The following INO80 variants were observed in gnomAD, a reference collection of about 807,000 sequenced individuals.
The protein encoded by INO80 is INO80 complex ATPase subunit.
INO80 carries 20 observed loss-of-function variants against 203.4 expected under a neutral mutation model. The ratio of observed to expected loss-of-function variants is 0.10; its 90% confidence interval spans 0.07 to 0.14. The LOEUF (loss-of-function observed/expected upper bound fraction) is 0.14, where lower values mean the gene tolerates loss of function less well. INO80 is among the 10% of genes least tolerant of loss of function. The pLI, the probability that INO80 is intolerant of heterozygous loss-of-function variation, is 1.00. For missense variants in INO80, 1,419 were observed against 1,914.4 expected, an observed-to-expected ratio of 0.74 and a Z score of 4.83; for synonymous variants, 726 against 685.2, an observed-to-expected ratio of 1.06 and a Z score of -0.93.
intron 25 of INO80, chr15:41,023,172 C>A: frequency 5.2e-6 from 2 of 382,796 alleles, no homozygotes; most frequent in South Asian, 1.9e-5. Context: ...ATTTTTCCCA[C>A]TAATACATGA....
intron 35 of INO80, among the ~76,000 whole-genome samples, chr15:40,981,054 C>T (rs573144792): frequency 6.6e-6 from 1 of 152,348 alleles, no homozygotes; most frequent in South Asian, 2.1e-4. Context: ...CTTTTTCCTA[C>T]ATAAGCCAAA....
intron 16 of INO80, among the ~76,000 whole-genome samples, chr15:41,057,992 G>C (rs2045025500): frequency 6.6e-6 from 1 of 151,944 alleles, no homozygotes; most frequent in East Asian, 1.9e-4. Flanking sequence ...GGACCTCAAA[G>C]GTATTGGAAT....
chr15:41,093,242 T>A (rs1303507050), intron 4 of INO80, among the ~76,000 whole-genome samples: 1 of 151,634 alleles, frequency 6.6e-6, no homozygotes, highest in Non-Finnish European at 1.5e-5. Flanking sequence ...CTGGCTAACA[T>A]GGTGAAACCC....
rs765933384 is a variant in INO80, at chr15:41,079,888, A to G, written c.944T>C (p.Met315Thr). The change falls in exon 9 of 36, where the codon ATG becomes ACG. Residue 315 changes from methionine (M) to threonine (T), a missense_variant. This residue lies in a region of INO80 where 87 missense variants were observed against 150.5 expected (regional missense o/e 0.58). Coordinates refer to ENST00000648947, the MANE Select transcript of INO80 (RefSeq NM_017553.3). ...TNSRKLAHQC[M>T]KEVRRAALQA... ...CAAGGCAGCTCGACGCACCTCCTTC[A>G]TGCACTGGTGAGCAAGCTGAAAACA... The G allele has an allele frequency of 1.2e-6, 2 of 1,614,012 alleles. No individual in the cohort carries two copies.
At chr15:41,078,463 A>G (rs1401969779) in intron 9 of INO80, among the ~76,000 whole-genome samples, 2 of 143,626 alleles carry the variant, frequency 1.4e-5, no homozygotes, top group African/African-American at 5.5e-5. Flanking sequence ...AAGAATTCCC[A>G]AAAGCATCAA....
At chr15:41,108,465 G>A (rs1167601478) in intron 1 of INO80, among the ~76,000 whole-genome samples, 1 of 151,750 alleles carries the variant, frequency 6.6e-6, no homozygotes, top group Non-Finnish European at 1.5e-5. Flanking sequence ...GGTGGTGGGC[G>A]CTTGTAGTCC....
intron 19 of INO80, 104 bp from the exon 20 acceptor site, chr15:41,050,206 T>A (rs1044659025): frequency 2.7e-6 from 2 of 728,724 alleles, no homozygotes; most frequent in African/African-American, 3.5e-5. Flanking sequence ...TGATTGAGAA[T>A]AAACATATGT....
chr15:41,083,577 G>A (rs549633406), intron 7 of INO80, among the ~76,000 whole-genome samples: 5 of 151,762 alleles, frequency 3.3e-5, no homozygotes, highest in East Asian at 3.9e-4. Context: ...GTGACGGCGC[G>A]CACCTGTAGT....
In INO80 at chr15:41,096,160, T is replaced by C. The variant is rs1481911971; in HGVS notation, c.143+8A>G. The C allele has an allele frequency of 6.3e-7, 1 of 1,597,466 alleles. No individual in the cohort carries two copies. The highest frequency in any genetic ancestry group is 2.2e-5 in the East Asian group (1 of 44,774). ...GGTAAAACATATTGCAAAGATACAATAACATACCTAGAAATATTCCTATTG... is the reference window on the plus strand; with the variant it reads ...GGTAAAACATATTGCAAAGATACAACAACATACCTAGAAATATTCCTATTG... On this transcript the variant is annotated splice_region_variant and intron_variant, in intron 2 of 35. Transcript: ENST00000648947.
intron 24 of INO80, among the ~76,000 whole-genome samples, chr15:41,034,453 G>C (rs994595522): frequency 3.3e-5 from 5 of 152,166 alleles, no homozygotes; most frequent in Admixed American, 6.6e-5. Context: ...AGTGAACACT[G>C]ATCTGTCTCC....
chr15:41,067,379 C>G (rs2045239684), intron 14 of INO80, among the ~76,000 whole-genome samples: 1 of 151,906 alleles, frequency 6.6e-6, no homozygotes, highest in Non-Finnish European at 1.5e-5. Context: ...CGGCCAAGAT[C>G]TTTTATTTTT....
At chr15:41,079,620 G>T in intron 9 of INO80, 81 bp downstream of exon 9, 22 of 1,126,056 alleles carry the variant, frequency 2.0e-5, no homozygotes, top group Non-Finnish European at 2.9e-5. Context: ...TTGGTTAGAT[G>T]TACAATTTTC....
At chr15:40,997,314 GA>G (rs1386212609) in intron 29 of INO80, among the ~76,000 whole-genome samples, 1 of 152,012 alleles carries the variant, frequency 6.6e-6, no homozygotes, top group Non-Finnish European at 1.5e-5. Flanking sequence ...CAAAGAAAAT[GA>G]ATAGTAAAGT....
chr15:41,064,358 C>T (rs947476808), intron 14 of INO80, among the ~76,000 whole-genome samples: 22 of 152,206 alleles, frequency 1.4e-4, no homozygotes, highest in African/African-American at 3.6e-4. Context: ...CAATCCTCCA[C>T]TGTTTGAAAA....
At chr15:41,059,070 G>C (rs1334574994) in intron 15 of INO80, among the ~76,000 whole-genome samples, 1 of 151,990 alleles carries the variant, frequency 6.6e-6, no homozygotes, top group Non-Finnish European at 1.5e-5. Flanking sequence ...TCCTGCCTTA[G>C]TCTCCCAAAC....
At position 40,980,672 on chromosome 15, in the gene INO80, T is replaced by C. The variant is rs1182003526; in HGVS notation, c.4454-232A>G. On this transcript the variant is annotated intron_variant, in intron 35 of 35. Transcript: ENST00000648947. Reference sequence around the variant, plus strand: ...AATGATACCTACCCAACCCTCTCTATACTACTTCATCCACAGATGGTAAAA... The same window carrying C: ...AATGATACCTACCCAACCCTCTCTACACTACTTCATCCACAGATGGTAAAA... 2.6e-5 allele frequency among the ~76,000 whole-genome samples: 4 copies of C among 152,314 alleles called. No individual in the cohort carries two copies. In the South Asian group the frequency reaches 6.2e-4, roughly 24 times the overall value.
chr15:41,049,108 C>T (rs2044818467), intron 21 of INO80, among the ~76,000 whole-genome samples, 179 bp downstream of exon 21: 3 of 152,210 alleles, frequency 2.0e-5, no homozygotes, highest in African/African-American at 7.2e-5. Context: ...GGCCACCTAG[C>T]TGAAGTTTTA....
At chr15:41,069,493 A>C (rs1397193985) in intron 14 of INO80, 77 bp downstream of exon 14, 7 of 843,180 alleles carry the variant, frequency 8.3e-6, no homozygotes, top group Non-Finnish European at 1.3e-5. Flanking sequence ...GTTATGAGTA[A>C]TTAGTAGGGC....
At chr15:41,062,522 G>T (rs919165943) in intron 14 of INO80, among the ~76,000 whole-genome samples, 1 of 152,098 alleles carries the variant, frequency 6.6e-6, no homozygotes, top group African/African-American at 2.4e-5. Flanking sequence ...GACAGAGTGA[G>T]ACTCTGTCTC....
Sources: allele counts gnomAD v4.1 joint callset (sites outside exome capture counted in the v4.1 genomes callset), GRCh38; gene constraint gnomAD v4.1.1; regional missense constraint gnomAD v4.1.1; transcripts MANE v1.5; gene names NCBI Gene and HGNC (gene_info 2026-07-23, HGNC 2026-07-21).